GPD2: variants seen among roughly 807,000 people sequenced by gnomAD.
GPD2 encodes the protein glycerol-3-phosphate dehydrogenase, mitochondrial.
GPD2 carries 54 observed loss-of-function variants against 82.4 expected under a neutral mutation model. The ratio of observed to expected loss-of-function variants is 0.66; its 90% CI spans 0.53 to 0.82. The LOEUF is 0.82. GPD2 is among the 40% of genes least tolerant of loss of function. The pLI, the probability that GPD2 is intolerant of heterozygous loss-of-function variation, is 0.00. For missense variants in GPD2, 748 were observed against 896.2 expected, an observed-to-expected ratio of 0.83 and a Z score of 2.11; for synonymous variants, 288 against 306.1, an observed-to-expected ratio of 0.94 and a Z score of 0.62.
rs551849337 is a variant in GPD2, at chr2:156,571,290, C to G, written c.1765C>G (p.Gln589Glu). Residue 589 changes from glutamine to glutamate, a missense_variant and splice_region_variant, in exon 13 of 17, where the codon CAG (glutamine) becomes GAG (glutamate). Physicochemically the swap from Gln to Glu is conservative, Grantham distance 29. Coordinates refer to ENST00000438166, the MANE Select transcript of GPD2 (RefSeq NM_000408.5). ...RELNWDDYKK[Q>E]EQLETARKFL... ...ACTGAATTGGGATGATTATAAGAAGCAGGTATTATATAGAAGTCTTTAAAA... is the reference window on the plus strand; with the variant it reads ...ACTGAATTGGGATGATTATAAGAAGGAGGTATTATATAGAAGTCTTTAAAA... 5.8e-5 allele frequency: 92 copies of G among 1,598,006 alleles called. No individual in the cohort carries two copies.
the GPD2 span, among the ~76,000 whole-genome samples, chr2:156,409,700 T>TAAAAAA: frequency 6.6e-6 from 1 of 152,046 alleles, no homozygotes; most frequent in Non-Finnish European, 1.5e-5. Context: ...ATTCCATCTT[T>TAAAAAA]AAAAAACAAA....
intron 9 of GPD2, among the ~76,000 whole-genome samples, chr2:156,566,324 A>C (rs896535760): frequency 6.6e-6 from 1 of 152,024 alleles, no homozygotes; most frequent in Non-Finnish European, 1.5e-5. Context: ...CCATCTCCAG[A>C]ACATTTTTGT....
the GPD2 span, among the ~76,000 whole-genome samples, chr2:156,416,174 A>G: frequency 5.4e-5 from 8 of 147,296 alleles, no homozygotes; most frequent in Non-Finnish European, 1.2e-4. Context: ...TTGTATATAC[A>G]TATATATATA....
intron 6 of GPD2, among the ~76,000 whole-genome samples, chr2:156,521,582 G>A (rs1465497554): frequency 6.6e-6 from 1 of 152,166 alleles, no homozygotes; most frequent in Non-Finnish European, 1.5e-5. Flanking sequence ...ATATTCCAAA[G>A]TGAAGCATCA....
chr2:156,492,769 G>C (rs1402868647), intron 2 of GPD2, among the ~76,000 whole-genome samples: 1 of 152,164 alleles, frequency 6.6e-6, no homozygotes, highest in East Asian at 1.9e-4. Context: ...TAAACTCAGT[G>C]ATTGAGCAGA....
the GPD2 span, among the ~76,000 whole-genome samples, chr2:156,422,271 C>T: frequency 6.6e-6 from 1 of 152,046 alleles, no homozygotes; most frequent in Non-Finnish European, 1.5e-5. Flanking sequence ...CAAATCTTGT[C>T]ATGATGTTGG....
At chr2:156,508,777 C>G (rs1167512252) in intron 3 of GPD2, among the ~76,000 whole-genome samples, 1 of 152,194 alleles carries the variant, frequency 6.6e-6, no homozygotes, top group Non-Finnish European at 1.5e-5. Flanking sequence ...GTTGGACTTA[C>G]TAAGAAAAGG....
intron 13 of GPD2, among the ~76,000 whole-genome samples, chr2:156,573,690 C>T (rs553717829): frequency 6.6e-6 from 1 of 152,176 alleles, no homozygotes; most frequent in Admixed American, 6.5e-5. Context: ...AATGCTCTCC[C>T]ATCCCCCTTA....
intron 1 of GPD2, among the ~76,000 whole-genome samples, chr2:156,459,613 G>T (rs1008273998): frequency 7.2e-6 from 1 of 139,608 alleles, no homozygotes; most frequent in African/African-American, 2.7e-5. Context: ...GCTTGAACCA[G>T]GGAGTCAGAG....
At chr2:156,579,195 A>C (rs759138945) in intron 15 of GPD2, 31 bp downstream of exon 15, 1 of 1,126,422 alleles carries the variant, frequency 8.9e-7, no homozygotes, top group South Asian at 1.2e-5. Flanking sequence ...TCAGCCTCTG[A>C]TACTAGAAGA....
chr2:156,562,635 A>G (rs1446905897), intron 9 of GPD2, among the ~76,000 whole-genome samples: 1 of 152,136 alleles, frequency 6.6e-6, no homozygotes, highest in African/African-American at 2.4e-5. Context: ...CCGCACATTT[A>G]CCTCTTAATT....
chr2:156,533,729 A>G (rs1250410990), intron 6 of GPD2, among the ~76,000 whole-genome samples: 1 of 152,210 alleles, frequency 6.6e-6, no homozygotes, highest in Non-Finnish European at 1.5e-5. Context: ...TGTATGTAAA[A>G]TTTTAAAATT....
the GPD2 span, among the ~76,000 whole-genome samples, chr2:156,427,560 A>G: frequency 1.3e-5 from 2 of 152,234 alleles, no homozygotes; most frequent in Non-Finnish European, 2.9e-5. Flanking sequence ...GCCCATTTAC[A>G]TGGTTGTAAA....
At chr2:156,528,384 C>A (rs1052576189) in intron 6 of GPD2, among the ~76,000 whole-genome samples, 1 of 151,586 alleles carries the variant, frequency 6.6e-6, no homozygotes, top group Admixed American at 6.6e-5. Context: ...AAACATATTT[C>A]TCCACTCAAT....
At chr2:156,497,884 C>T (rs754164918) in intron 3 of GPD2, among the ~76,000 whole-genome samples, 15 of 152,242 alleles carry the variant, frequency 9.9e-5, no homozygotes, top group Middle Eastern at 3.4e-3. Flanking sequence ...ACACTAAGGC[C>T]TAAAGGAAGA....
At chr2:156,420,359 G>A in the GPD2 span, among the ~76,000 whole-genome samples, 4 of 152,020 alleles carry the variant, frequency 2.6e-5, no homozygotes, top group African/African-American at 9.7e-5. Context: ...TTTTAGTAGA[G>A]ACAGGGTTTC....
rs1683503546 is a variant in GPD2, at chr2:156,476,161, C to A, written c.56C>A (p.Ala19Glu). Residue 19 changes from alanine (A) to glutamate (E), a missense_variant, in exon 2 of 17, where the codon GCA (alanine) becomes GAA (glutamate). Coordinates refer to ENST00000438166, the MANE Select transcript of GPD2 (RefSeq NM_000408.5). ...ATTCTTGTTGGAGGAGGTGCTCTTG[C>A]AACTGTTTTAGGACTTTCTCAGTTT... ...GTILVGGGAL[A>E]TVLGLSQFAH... 6.2e-7 allele frequency: 1 copy of A among 1,610,562 alleles called. No individual in the cohort carries two copies. The highest frequency in any genetic ancestry group is 1.3e-5 in the African/African-American group (1 of 74,828).
chr2:156,525,570 G>T (rs1685576945), intron 6 of GPD2, among the ~76,000 whole-genome samples: 1 of 152,178 alleles, frequency 6.6e-6, no homozygotes, highest in Non-Finnish European at 1.5e-5. Flanking sequence ...TTTAGATACA[G>T]TTCCACTTCA....
At chr2:156,482,461 T>C (rs1005832112) in intron 2 of GPD2, among the ~76,000 whole-genome samples, 2 of 152,218 alleles carry the variant, frequency 1.3e-5, no homozygotes, top group African/African-American at 4.8e-5. Flanking sequence ...GTTACAAGAA[T>C]ATAGTTCCTT....
Sources: allele counts gnomAD v4.1 joint callset (sites outside exome capture counted in the v4.1 genomes callset), GRCh38; gene constraint gnomAD v4.1.1; transcripts MANE v1.5; gene names NCBI Gene and HGNC (gene_info 2026-07-23, HGNC 2026-07-21).